The following SPOCK1 variants were observed in gnomAD, a reference collection of about 807,000 sequenced individuals.
SPOCK1 encodes testican-1.
In SPOCK1, 23 loss-of-function variants were observed where a neutral mutation model predicts 55.3. That is an observed-to-expected ratio of 0.42 (90% CI 0.30 to 0.59). The LOEUF (loss-of-function observed/expected upper bound fraction) is 0.59, where lower values mean the gene tolerates loss of function less well. Among genes scored for constraint, SPOCK1 ranks in the 20% least tolerant of loss-of-function variants. The probability of loss-of-function intolerance (pLI) is 0.22; values close to 1 mark genes in which losing one functional copy is unlikely to be tolerated. For missense variants in SPOCK1, 499 were observed against 552.5 expected (o/e 0.90, Z 0.97); for synonymous variants, 226 against 221.0 (o/e 1.02, Z -0.20).
intron 5 of SPOCK1, among the ~76,000 whole-genome samples, chr5:137,106,327 T>C (rs1441227272): frequency 6.6e-6 from 1 of 152,170 alleles, no homozygotes; most frequent in Non-Finnish European, 1.5e-5. Context: ...GTGCTTCTCT[T>C]CCAGCAGACA....
intron 3 of SPOCK1, among the ~76,000 whole-genome samples, chr5:137,239,431 C>T (rs764839035): frequency 2.0e-5 from 3 of 152,104 alleles, no homozygotes; most frequent in African/African-American, 4.8e-5. Context: ...TACCTGGCAC[C>T]GTGACCCATT....
chr5:137,275,297 C>T (rs1455059836), intron 2 of SPOCK1, among the ~76,000 whole-genome samples: 1 of 152,230 alleles, frequency 6.6e-6, no homozygotes, highest in Admixed American at 6.5e-5. Flanking sequence ...CCTTCCCCCA[C>T]CATAGCTGGC....
chr5:137,434,974 A>G (rs1304333478), intron 2 of SPOCK1, among the ~76,000 whole-genome samples: 1 of 152,258 alleles, frequency 6.6e-6, no homozygotes, highest in Non-Finnish European at 1.5e-5. Flanking sequence ...AAGAAACAAA[A>G]AGAATTAAAA....
chr5:137,466,555 G>C (rs1753627781), intron 2 of SPOCK1, among the ~76,000 whole-genome samples: 1 of 152,144 alleles, frequency 6.6e-6, no homozygotes, highest in Admixed American at 6.5e-5. Flanking sequence ...CAGACTCCAG[G>C]ATCACACTCC....
chr5:137,236,280 C>A (rs1756179628), intron 3 of SPOCK1, among the ~76,000 whole-genome samples: 1 of 151,962 alleles, frequency 6.6e-6, no homozygotes, highest in Non-Finnish European at 1.5e-5. Flanking sequence ...GAGGGGGTTA[C>A]AATCAGCACC....
chr5:137,361,827 G>A (rs1033696394), intron 2 of SPOCK1, among the ~76,000 whole-genome samples: 3 of 152,044 alleles, frequency 2.0e-5, no homozygotes, highest in Non-Finnish European at 2.9e-5. Flanking sequence ...ATAAAAACAG[G>A]GCAGAGAGAC....
At chr5:137,059,669 C>A (rs906469928) in intron 6 of SPOCK1, among the ~76,000 whole-genome samples, 9 of 152,176 alleles carry the variant, frequency 5.9e-5, no homozygotes, top group Non-Finnish European at 1.0e-4. Context: ...AGTAAATACA[C>A]AACCCACAGA....
chr5:136,982,351 T>A (rs932366618), intron 9 of SPOCK1, among the ~76,000 whole-genome samples: 3 of 152,240 alleles, frequency 2.0e-5, no homozygotes, highest in Admixed American at 6.5e-5. Flanking sequence ...TTTGTATAAC[T>A]CTCCTTTAAA....
intron 2 of SPOCK1, among the ~76,000 whole-genome samples, chr5:137,377,193 C>T (rs13359529): frequency 0.096 from 14,641 of 152,232 alleles, 1,658 homozygotes; most frequent in African/African-American, 0.28. Context: ...TGAAGGTATG[C>T]GCTTCAAGCA....
chr5:137,170,616 TC>T (rs1754738968), intron 3 of SPOCK1, among the ~76,000 whole-genome samples: 1 of 151,650 alleles, frequency 6.6e-6, no homozygotes, highest in Non-Finnish European at 1.5e-5. Context: ...TCTCTCTCTC[TC>T]TCTCTGTGGA....
Position 137,052,499 on chromosome 5 carries a change from C to T in SPOCK1, c.589+15216G>A, listed in dbSNP as rs188794925. 3.9e-5 allele frequency among the ~76,000 whole-genome samples: 6 copies of T among 152,280 alleles called. No homozygotes were observed. The East Asian group carries it at 1.2e-3, about 29-fold the overall frequency. ...TATGTAACAGAAGACTTACAGTATACAAGCCATTTTACCCAGAAATTCTAC... is the reference window on the plus strand; with the variant it reads ...TATGTAACAGAAGACTTACAGTATATAAGCCATTTTACCCAGAAATTCTAC... On this transcript the variant is annotated intron_variant, in intron 6 of 10. Transcript: ENST00000394945.
chr5:137,140,714 G>C lies in SPOCK1; in HGVS notation c.233-20C>G. 6.6e-7 allele frequency: 1 copy of C among 1,507,336 alleles called. No homozygotes were observed. Among genetic ancestry groups the C allele is most frequent in the Non-Finnish European group, 9.0e-7 (1 of 1,107,056 alleles). 93.4% of individuals were successfully genotyped at this position (1,507,336 alleles called of 1,614,324 possible). The stretch of plus-strand genomic sequence containing the variant: ...CCAGGGCTGAGGCAAAAACAAGAAG[G>C]AGGGCAGGGTTTAGGACCTCCAGGG... On this transcript the variant is annotated intron_variant, in intron 3 of 10. Transcript: ENST00000394945.
chr5:136,981,650 G>A (rs1412354674), intron 9 of SPOCK1, among the ~76,000 whole-genome samples: 1 of 152,182 alleles, frequency 6.6e-6, no homozygotes, highest in African/African-American at 2.4e-5. Flanking sequence ...GTTGTGGCCG[G>A]TAAGTTTGAT....
chr5:137,094,957 G>A (rs919104331), intron 5 of SPOCK1, among the ~76,000 whole-genome samples: 11 of 152,144 alleles, frequency 7.2e-5, no homozygotes, highest in South Asian at 2.1e-4. Context: ...TCTTCCTTTC[G>A]CCTGAACACT....
intron 3 of SPOCK1, among the ~76,000 whole-genome samples, chr5:137,191,102 T>C (rs1361884097): frequency 6.6e-6 from 1 of 152,184 alleles, no homozygotes; most frequent in Non-Finnish European, 1.5e-5. Flanking sequence ...TTTTCCCAGC[T>C]AGAAGCTACA....
chr5:137,366,751 A>T (rs1751075177), intron 2 of SPOCK1, among the ~76,000 whole-genome samples: 1 of 152,234 alleles, frequency 6.6e-6, no homozygotes, highest in African/African-American at 2.4e-5. Context: ...GTCAAAACAG[A>T]TGCGGCAAGG....
intron 2 of SPOCK1, among the ~76,000 whole-genome samples, chr5:137,361,016 C>T (rs966107884): frequency 3.9e-5 from 6 of 152,230 alleles, no homozygotes; most frequent in African/African-American, 1.2e-4. Context: ...GTGAAGTGTT[C>T]GGGAGGTAAT....
intron 2 of SPOCK1, among the ~76,000 whole-genome samples, chr5:137,433,152 G>T (rs749200417): frequency 6.6e-6 from 1 of 152,342 alleles, no homozygotes; most frequent in East Asian, 1.9e-4. Context: ...TGGCTTTGGG[G>T]TTTGAGGAAA....
intron 2 of SPOCK1, among the ~76,000 whole-genome samples, chr5:137,420,237 G>A (rs543022396): frequency 6.6e-6 from 1 of 152,236 alleles, no homozygotes; most frequent in South Asian, 2.1e-4. Flanking sequence ...TGTTCATCAG[G>A]GATATTGGTC....
Sources: allele counts gnomAD v4.1 joint callset (sites outside exome capture counted in the v4.1 genomes callset), GRCh38; gene constraint gnomAD v4.1.1; transcripts MANE v1.5; gene names NCBI Gene and HGNC (gene_info 2026-07-23, HGNC 2026-07-21).